Variants in PNKD observed in about 807,000 individuals in gnomAD.
PNKD encodes PNKD metallo-beta-lactamase domain containing.
Under a neutral mutation model 45.3 loss-of-function variants are expected in PNKD, and 36 were observed. The ratio of observed to expected loss-of-function variants is 0.80; its 90% CI spans 0.61 to 1.05. The LOEUF is 1.05. Ranked by LOEUF, PNKD falls within the 50% of genes least tolerant of loss-of-function variation. The pLI is 0.00. For synonymous variants in PNKD, 197 were observed against 210.1 expected, an observed-to-expected ratio of 0.94 and a Z score of 0.54; for missense variants, 511 against 506.6, an observed-to-expected ratio of 1.01 and a Z score of -0.08.
Position 218,342,157 on chromosome 2 carries a change from G to A in PNKD, c.781+13G>A, listed in dbSNP as rs201802667. 4.5e-5 allele frequency: 73 copies of A among 1,610,158 alleles called. No individual in the cohort carries two copies. In the African/African-American group the frequency reaches 5.1e-4, roughly 11 times the overall value. On this transcript the variant is annotated intron_variant, in intron 7 of 9. Coordinates refer to ENST00000273077, the MANE Select transcript of PNKD (RefSeq NM_015488.5). ...CTCTCTGGCTGTGGTGAGTTTCCCC[G>A]AAAGAGAGAGGAGCTGGGAGAGGAG...
intron 2 of PNKD, chr2:218,323,553 G>T: frequency 1.1e-6 from 1 of 877,164 alleles, no homozygotes. Context: ...TGGTCTAAGG[G>T]AAGAGGGATC....
intron 2 of PNKD, among the ~76,000 whole-genome samples, chr2:218,315,094 C>CCTTCCTTCCT (rs1559521387): frequency 9.8e-6 from 1 of 101,538 alleles, no homozygotes; most frequent in African/African-American, 3.9e-5. Flanking sequence ...CTCTCTCTCT[C>CCTTCCTTCCT]TCCTTCCTTC....
intron 2 of PNKD, among the ~76,000 whole-genome samples, chr2:218,332,672 C>A (rs1185849747): frequency 6.6e-6 from 1 of 151,870 alleles, no homozygotes; most frequent in African/African-American, 2.4e-5. Context: ...CCCCCTGCCA[C>A]CCCACCCTCT....
chr2:218,314,728 C>T (rs1459337580), intron 2 of PNKD, among the ~76,000 whole-genome samples: 2 of 151,044 alleles, frequency 1.3e-5, no homozygotes, highest in African/African-American at 4.9e-5. Flanking sequence ...CTCACTCTGT[C>T]GCCCAGGCTG....
intron 2 of PNKD, among the ~76,000 whole-genome samples, chr2:218,273,479 ATTTT>A (rs10562640): frequency 1.0e-4 from 10 of 96,898 alleles, no homozygotes; most frequent in Non-Finnish European, 1.2e-4. Flanking sequence ...TTTTTTACTT[ATTTT>A]TTTTTTTTTT....
At chr2:218,307,657 G>A (rs577150157) in intron 2 of PNKD, among the ~76,000 whole-genome samples, 14 of 152,278 alleles carry the variant, frequency 9.2e-5, no homozygotes, top group Admixed American at 5.9e-4. Context: ...GACCAGTATA[G>A]GGTTGGAGGG....
intron 2 of PNKD, among the ~76,000 whole-genome samples, chr2:218,335,987 C>T (rs1375631257): frequency 6.6e-6 from 1 of 151,952 alleles, no homozygotes; most frequent in African/African-American, 2.4e-5. Flanking sequence ...GAGGCCAAGG[C>T]GGGTTGATCA....
At position 218,273,294 on chromosome 2, in the gene PNKD, G is replaced by A. The variant is rs142769480; in HGVS notation, c.236+1745G>A. Among the ~76,000 whole-genome samples, 64 of 152,062 alleles carry A rather than the reference G, an allele frequency of 4.2e-4. 1 individual carries two copies. The East Asian group carries it at 9.7e-3, about 23-fold the overall frequency. ...TTTTTTGTTTTTTGTTTTTTGAGAC[G>A]GAGTCTCGCTCTGTTACCCAGGCTG... is the stretch of plus-strand genomic sequence containing the variant. On this transcript the variant is annotated intron_variant, in intron 2 of 9. Coordinates refer to ENST00000273077, the MANE Select transcript of PNKD (RefSeq NM_015488.5).
chr2:218,295,902 G>A (rs1574672784), intron 2 of PNKD, among the ~76,000 whole-genome samples: 1 of 148,972 alleles, frequency 6.7e-6, no homozygotes, highest in Middle Eastern at 3.5e-3. Flanking sequence ...CTGGAGTACA[G>A]TAGTGCGATC....
intron 2 of PNKD, among the ~76,000 whole-genome samples, chr2:218,304,168 T>A (rs1693351752): frequency 6.6e-6 from 1 of 152,066 alleles, no homozygotes. Flanking sequence ...GTTTTTTGTT[T>A]TTGAGACAGA....
At chr2:218,307,040 G>T (rs565757157) in intron 2 of PNKD, among the ~76,000 whole-genome samples, 6 of 152,304 alleles carry the variant, frequency 3.9e-5, no homozygotes, top group African/African-American at 1.4e-4. Context: ...TTCGTTTACA[G>T]TTGGGCAAAA....
rs141489095 is a variant in PNKD, at chr2:218,335,036, C to G, written c.237-4747C>G. On this transcript the variant is annotated intron_variant, in intron 2 of 9. Transcript: ENST00000273077. ...GCATGTCTGCTCATGCCTGTAGTCC[C>G]AGCTACTCGGGATACTGAGGTGGAA... is the stretch of plus-strand genomic sequence containing the variant. 4.6e-3 allele frequency among the ~76,000 whole-genome samples: 698 copies of G among 152,048 alleles called. 10 individuals carry two copies. The highest frequency in any genetic ancestry group is 0.016 in the African/African-American group (654 of 41,460).
chr2:218,277,426 A>C lies in PNKD; in HGVS notation c.236+5877A>C. 10 of 1,614,198 alleles carry C rather than the reference A, an allele frequency of 6.2e-6. No individual in the cohort carries two copies. The highest frequency in any genetic ancestry group is 8.5e-6 in the Non-Finnish European group (10 of 1,180,046). ...ATACCACCGCAGTGATGATCATTGC[A>C]ATGATGACGGCTTTGGTTTGGTACA... On this transcript the variant is annotated intron_variant, in intron 2 of 9. Coordinates refer to ENST00000273077, the MANE Select transcript of PNKD (RefSeq NM_015488.5).
intron 2 of PNKD, chr2:218,275,322 C>A (rs1691084271): frequency 9.6e-7 from 1 of 1,040,422 alleles, no homozygotes; most frequent in Non-Finnish European, 1.3e-6. Flanking sequence ...CATCCATAGC[C>A]AGAGAGGCCA....
chr2:218,303,262 A>G (rs1348188853), intron 2 of PNKD, among the ~76,000 whole-genome samples: 1 of 152,022 alleles, frequency 6.6e-6, no homozygotes, highest in African/African-American at 2.4e-5. Flanking sequence ...CCAGTCTTTC[A>G]GGTTAACTTT....
At chr2:218,323,306 C>G (rs1437562233) in intron 2 of PNKD, 1 of 1,557,598 alleles carries the variant, frequency 6.4e-7, no homozygotes, top group African/African-American at 1.4e-5. Flanking sequence ...GGCAGTGGGT[C>G]GCCGGCTGCT....
At chr2:218,330,942 G>A (rs1433282481) in intron 2 of PNKD, among the ~76,000 whole-genome samples, 2 of 152,244 alleles carry the variant, frequency 1.3e-5, no homozygotes, top group Non-Finnish European at 2.9e-5. Context: ...TACTGGCCCA[G>A]CCTGCAAGGG....
At chr2:218,316,718 G>A (rs1189420028) in intron 2 of PNKD, 2 of 152,258 alleles carry the variant, frequency 1.3e-5, no homozygotes, top group African/African-American at 4.8e-5. Flanking sequence ...GGGGCTTGAG[G>A]TTTGGAATAA....
At chr2:218,329,707 C>T (rs1437930533) in intron 2 of PNKD, among the ~76,000 whole-genome samples, 2 of 152,268 alleles carry the variant, frequency 1.3e-5, no homozygotes, top group East Asian at 3.8e-4. Flanking sequence ...GCGGAAGTCC[C>T]CACGCCCCCA....
Sources: gnomAD v4.1 joint callset for allele counts (sites outside exome capture counted in the v4.1 genomes callset) on GRCh38, gnomAD v4.1.1 for gene constraint, MANE v1.5 for transcripts, NCBI Gene and HGNC (gene_info 2026-07-23, HGNC 2026-07-21) for gene names.